HNRNPL: variants seen among roughly 807,000 people sequenced by gnomAD.
HNRNPL encodes the protein heterogeneous nuclear ribonucleoprotein L.
A neutral mutation model predicts 64.0 loss-of-function variants in HNRNPL; 12 were observed. That is an observed-to-expected ratio of 0.19 (90% CI 0.12 to 0.30). HNRNPL has a LOEUF of 0.30. Among genes scored for constraint, HNRNPL ranks in the 10% least tolerant of loss-of-function variants. The pLI, the probability that HNRNPL is intolerant of heterozygous loss-of-function variation, is 1.00. For synonymous variants in HNRNPL, 385 were observed against 313.0 expected (o/e 1.23, Z -2.43); for missense variants, 484 against 797.4 (o/e 0.61, Z 4.73).
intron 8 of HNRNPL, 145 bp from the exon 9 acceptor site, chr19:38,839,160 C>T (rs941500989): frequency 2.0e-6 from 2 of 984,082 alleles, no homozygotes; most frequent in Admixed American, 2.2e-5. Flanking sequence ...CATGCCTGGC[C>T]CACACCAAGT....
intron 8 of HNRNPL, 93 bp from the exon 9 acceptor site, chr19:38,839,108 G>A: frequency 6.7e-7 from 1 of 1,488,270 alleles, no homozygotes; most frequent in African/African-American, 1.4e-5. Context: ...CCCCTGCTCT[G>A]GCCTCCCATG....
rs939875763 is a variant in HNRNPL at position 38,836,956 on chromosome 19, T to C, written c.1712-176A>G. 7 of 564,296 alleles carry C rather than the reference T, an allele frequency of 1.2e-5. No individual in the cohort carries two copies. The East Asian group carries it at 2.1e-4, about 17-fold the overall frequency. 35.0% of individuals were successfully genotyped at this position (564,296 alleles called of 1,614,324 possible). On this transcript the variant is annotated intron_variant, in intron 12 of 12. Transcript: ENST00000221419. The stretch of plus-strand genomic sequence containing the variant: ...AATTACCAATTATGCACGGCGTTTC[T>C]CCTTCTCTTCCTTCATTCCCATAGA...
upstream of HNRNPL, chr19:38,850,032 C>G: frequency 2.3e-6 from 3 of 1,279,426 alleles, no homozygotes; most frequent in Non-Finnish European, 3.0e-6. Flanking sequence ...ACCCGCCGCC[C>G]CCACCCGATA....
At chr19:38,841,439 T>C (rs931215318) in intron 6 of HNRNPL, 7 of 378,618 alleles carry the variant, frequency 1.8e-5, no homozygotes, top group East Asian at 1.4e-4. Context: ...TGAGCCATAT[T>C]TGAACCCAGG....
chr19:38,841,615 T>C (rs894688429), intron 6 of HNRNPL: 50 of 1,261,000 alleles, frequency 4.0e-5, no homozygotes, highest in East Asian at 5.6e-5. Flanking sequence ...TCTCTTACCA[T>C]TGGACGCTTC....
intron 6 of HNRNPL, among the ~76,000 whole-genome samples, chr19:38,843,113 G>C (rs932884112): frequency 6.6e-6 from 1 of 152,012 alleles, no homozygotes; most frequent in Non-Finnish European, 1.5e-5. Flanking sequence ...TGTCAGCATC[G>C]AGCCTCCTCC....
chr19:38,849,399 GGCCGGGCCGCGTGCCCGGCCCCCACAC>G, intron 1 of HNRNPL: 1 of 346,652 alleles, frequency 2.9e-6, no homozygotes, highest in Non-Finnish European at 5.2e-6. Flanking sequence ...GAAAAAAACC[GGCCGGGCCGCGTGCCCGGCCCCCACAC>G]GCCAGCCCGC....
chr19:38,846,182 G>A, intron 2 of HNRNPL, 92 bp from the exon 3 acceptor site: 4 of 930,288 alleles, frequency 4.3e-6, no homozygotes, highest in Non-Finnish European at 5.2e-6. Context: ...CTCCTCCATG[G>A]CCTCTGAACT....
In HNRNPL at chr19:38,843,992, C is replaced by T; in HGVS notation, c.807+16G>A. On this transcript the variant is annotated intron_variant, in intron 5 of 12. Coordinates refer to ENST00000221419, the MANE Select transcript of HNRNPL (RefSeq NM_001533.3). ...TGGAAGCTGACAAGGGGCAGTCAGT[C>T]ACCTCCCAGATGTACCTTTGCGTAT... 3 of 1,610,408 alleles carry T rather than the reference C, an allele frequency of 1.9e-6. No homozygotes were observed. Among genetic ancestry groups the T allele is most frequent in the Non-Finnish European group, 2.5e-6 (3 of 1,176,632 alleles).
chr19:38,849,843 C>A lies in HNRNPL; in HGVS notation c.124G>T (p.Gly42Cys). ...CCGCCGTAGTAGCGGCCACCGCCGC[C>A]TCCGCCGCCCGCCGCCGCCATCTTC... is the stretch of plus-strand genomic sequence containing the variant. ...MVKMAAAGGG[G>C]GGGRYYGGGS... Residue 42 changes from glycine (G) to cysteine (C), a missense_variant, in exon 1 of 13, where the codon GGC (glycine) becomes TGC (cysteine). Coordinates refer to ENST00000221419, the MANE Select transcript of HNRNPL (RefSeq NM_001533.3). 1 of 1,230,450 alleles carries A rather than the reference C, an allele frequency of 8.1e-7. No individual in the cohort carries two copies. The highest frequency in any genetic ancestry group is 2.8e-5 in the East Asian group (1 of 35,574). 76.2% of individuals were successfully genotyped at this position (1,230,450 alleles called of 1,614,324 possible). A position where few individuals can be genotyped will look rare whatever the true frequency, so the allele number is the denominator to read the frequency against.
intron 6 of HNRNPL, among the ~76,000 whole-genome samples, chr19:38,843,170 AGATG>A (rs1215403402): frequency 6.6e-6 from 1 of 152,112 alleles, no homozygotes; most frequent in African/African-American, 2.4e-5. Flanking sequence ...ACAGACACCG[AGATG>A]GATGGTCTTG....
At chr19:38,845,422 C>T (rs1972260335) in intron 4 of HNRNPL, 11 of 527,972 alleles carry the variant, frequency 2.1e-5, no homozygotes, top group Admixed American at 1.4e-4. Flanking sequence ...AAAATAAATT[C>T]CTTTGTATCT....
At chr19:38,847,579 T>C in intron 1 of HNRNPL, 145 bp from the exon 2 acceptor site, 1 of 433,366 alleles carries the variant, frequency 2.3e-6, no homozygotes, top group Non-Finnish European at 4.1e-6. Flanking sequence ...GGGCAGCAAT[T>C]GAAGCCAATC....
At chr19:38,841,295 A>C (rs1398629136) in intron 6 of HNRNPL, 2 of 329,410 alleles carry the variant, frequency 6.1e-6, no homozygotes, top group East Asian at 1.6e-4. Context: ...AGCTTCTGAA[A>C]TTCCTCACAA....
intron 12 of HNRNPL, chr19:38,837,004 G>C (rs571212107): frequency 1.7e-5 from 9 of 539,854 alleles, no homozygotes; most frequent in Non-Finnish European, 3.0e-5. Context: ...TATCTCCTTC[G>C]CCAGCCCAAG....
intron 1 of HNRNPL, 69 bp from the exon 2 acceptor site, chr19:38,847,503 C>T (rs1972339297): frequency 2.5e-6 from 2 of 815,986 alleles, no homozygotes; most frequent in African/African-American, 1.8e-5. Context: ...GGCCTCTGTA[C>T]TGTTGTAGAC....
chr19:38,847,495 C>A (rs1972338853), intron 1 of HNRNPL, 61 bp from the exon 2 acceptor site: 17 of 1,010,042 alleles, frequency 1.7e-5, no homozygotes, highest in Admixed American at 2.7e-5. Flanking sequence ...GCCCCACTGG[C>A]CTCTGTACTG....
At chr19:38,841,970 C>G in intron 6 of HNRNPL, 1 of 308,776 alleles carries the variant, frequency 3.2e-6, no homozygotes, top group South Asian at 2.6e-5. Context: ...CCAGTGGCCC[C>G]ACTACGCTCG....
At chr19:38,852,346 C>G (rs1156474350), upstream of HNRNPL, 1 of 152,342 alleles carries the variant, frequency 6.6e-6, no homozygotes, top group East Asian at 1.9e-4. Context: ...AGAGCAGACA[C>G]TGGGAAGTTT....
Sources: allele counts gnomAD v4.1 joint callset (sites outside exome capture counted in the v4.1 genomes callset), GRCh38; gene constraint gnomAD v4.1.1; transcripts MANE v1.5; gene names NCBI Gene and HGNC (gene_info 2026-07-23, HGNC 2026-07-21).